CHRM3: variants seen among roughly 807,000 people sequenced by gnomAD.
The protein encoded by CHRM3 is cholinergic receptor muscarinic 3.
In CHRM3, 11 loss-of-function variants were observed where a neutral mutation model predicts 41.8. The observed-to-expected ratio is 0.26, with a 90% CI of 0.17 to 0.44. The LOEUF (loss-of-function observed/expected upper bound fraction) is 0.44. Ranked by LOEUF, CHRM3 falls within the 20% of genes least tolerant of loss-of-function variation. CHRM3 has a pLI of 1.00. For synonymous variants in CHRM3, 297 were observed against 301.4 expected (o/e 0.99, Z 0.15); for missense variants, 571 against 745.4 (o/e 0.77, Z 2.72).
intron 5 of CHRM3, among the ~76,000 whole-genome samples, chr1:239,812,197 G>A (rs544422): frequency 0.2 from 29,847 of 152,032 alleles, 3,253 homozygotes; most frequent in East Asian, 0.32. Flanking sequence ...GTGCCACCAT[G>A]CCCAGCTAAT....
At position 239,511,309 on chromosome 1, in the gene CHRM3, A is replaced by T. The variant is rs1463366774; in HGVS notation, c.-422+18502A>T. Among the ~76,000 whole-genome samples the T allele has an allele frequency of 2.0e-5, 3 of 152,288 alleles. No individual in the cohort carries two copies. In the East Asian group the frequency reaches 5.8e-4, roughly 29 times the overall value. On this transcript the variant is annotated intron_variant, in intron 2 of 6. Coordinates refer to ENST00000676153, the MANE Select transcript of CHRM3 (RefSeq NM_001375978.1). Reference sequence around the variant, plus strand: ...CATCTGTAGCTATGCAGTACTGGTTATTGTTTCCAGTTTTCTTGTAGTTGT... The same window carrying T: ...CATCTGTAGCTATGCAGTACTGGTTTTTGTTTCCAGTTTTCTTGTAGTTGT...
At chr1:239,478,326 G>T (rs1299568254) in intron 1 of CHRM3, among the ~76,000 whole-genome samples, 1 of 152,180 alleles carries the variant, frequency 6.6e-6, no homozygotes, top group African/African-American at 2.4e-5. Flanking sequence ...GTTACTTTCA[G>T]TCCCAACTCT....
chr1:239,861,664 G>A (rs539707103), intron 6 of CHRM3, among the ~76,000 whole-genome samples: 13 of 152,262 alleles, frequency 8.5e-5, no homozygotes, highest in African/African-American at 2.6e-4. Context: ...ACACAGACTC[G>A]TTCGTTATTT....
chr1:239,812,539 G>T (rs770352586), intron 5 of CHRM3, among the ~76,000 whole-genome samples: 4 of 152,148 alleles, frequency 2.6e-5, no homozygotes, highest in African/African-American at 9.7e-5. Flanking sequence ...TACAAAGTTG[G>T]ATGGTTTAAT....
At position 239,866,063 on chromosome 1, in the gene CHRM3, C is replaced by T. The variant is rs183503436; in HGVS notation, c.-20+38685C>T. ...TGTCCCTATTTTACGGATGGGAAAA[C>T]GCGAGGCTTGGAGTGATTAAAAAGC... On this transcript the variant is annotated intron_variant, in intron 6 of 6. Coordinates refer to ENST00000676153, the MANE Select transcript of CHRM3 (RefSeq NM_001375978.1). 8.5e-5 allele frequency among the ~76,000 whole-genome samples: 13 copies of T among 152,120 alleles called. No homozygotes were observed. In the East Asian group the frequency reaches 1.6e-3, roughly 18 times the overall value.
chr1:239,775,559 G>C (rs536868858), intron 5 of CHRM3, among the ~76,000 whole-genome samples: 3 of 152,342 alleles, frequency 2.0e-5, no homozygotes, highest in Admixed American at 2.0e-4. Flanking sequence ...TCAGTGCCAA[G>C]TAGCAGTTGC....
intron 5 of CHRM3, among the ~76,000 whole-genome samples, chr1:239,693,533 TG>T (rs1192068747): frequency 1.3e-5 from 2 of 152,190 alleles, no homozygotes; most frequent in African/African-American, 2.4e-5. Flanking sequence ...AGTGGCATTT[TG>T]TTATGGCAGC....
intron 5 of CHRM3, among the ~76,000 whole-genome samples, chr1:239,791,093 T>C (rs1669314964): frequency 6.6e-6 from 1 of 151,726 alleles, no homozygotes; most frequent in Admixed American, 6.6e-5. Flanking sequence ...CCCACAGCTT[T>C]TCTTTATTTT....
intron 5 of CHRM3, among the ~76,000 whole-genome samples, chr1:239,816,036 G>T (rs539941922): frequency 7.3e-4 from 110 of 151,486 alleles, no homozygotes; most frequent in Admixed American, 1.2e-3. Context: ...TTCTCATTCT[G>T]GGGGGGAAAA....
At chr1:239,837,205 T>C (rs1673398706) in intron 6 of CHRM3, among the ~76,000 whole-genome samples, 1 of 152,106 alleles carries the variant, frequency 6.6e-6, no homozygotes, top group African/African-American at 2.4e-5. Context: ...CACGTCTTAC[T>C]TTTCTTTCAT....
intron 6 of CHRM3, among the ~76,000 whole-genome samples, chr1:239,871,088 G>T (rs192119791): frequency 6.6e-5 from 10 of 152,194 alleles, no homozygotes; most frequent in Non-Finnish European, 1.2e-4. Context: ...CTCCAAACTA[G>T]CGACAGAAGA....
chr1:239,506,807 C>G (rs1668602571), intron 2 of CHRM3, among the ~76,000 whole-genome samples: 1 of 152,200 alleles, frequency 6.6e-6, no homozygotes, highest in Non-Finnish European at 1.5e-5. Context: ...TGCAAAGCCA[C>G]AGGGACAGAG....
chr1:239,656,172 G>A (rs1285099267), intron 4 of CHRM3, among the ~76,000 whole-genome samples: 1 of 151,942 alleles, frequency 6.6e-6, no homozygotes, highest in Non-Finnish European at 1.5e-5. Context: ...AGGAAGGGGG[G>A]GAAAGGGTTG....
At chr1:239,609,467 T>C (rs986218966) in intron 3 of CHRM3, among the ~76,000 whole-genome samples, 1 of 152,244 alleles carries the variant, frequency 6.6e-6, no homozygotes, top group Non-Finnish European at 1.5e-5. Flanking sequence ...TCTGCATACA[T>C]GTCTATGTGT....
At chr1:239,737,247 A>G (rs1424625741) in intron 5 of CHRM3, among the ~76,000 whole-genome samples, 1 of 152,168 alleles carries the variant, frequency 6.6e-6, no homozygotes, top group Non-Finnish European at 1.5e-5. Flanking sequence ...AACTTTTACA[A>G]TGCAATTATT....
At chr1:239,725,025 G>A (rs1338060488) in intron 5 of CHRM3, among the ~76,000 whole-genome samples, 1 of 151,830 alleles carries the variant, frequency 6.6e-6, no homozygotes, top group Non-Finnish European at 1.5e-5. Flanking sequence ...ACTCTCAGCT[G>A]TGTTGCTCTT....
At chr1:239,396,927 C>T (rs1044463408) in intron 1 of CHRM3, among the ~76,000 whole-genome samples, 2 of 152,206 alleles carry the variant, frequency 1.3e-5, no homozygotes, top group African/African-American at 4.8e-5. Context: ...GATTTAACTG[C>T]ATAAAAACCA....
At chr1:239,404,410 A>AAGAAAGAAAAAG (rs1210507333) in intron 1 of CHRM3, among the ~76,000 whole-genome samples, 9 of 51,752 alleles carry the variant, frequency 1.7e-4, no homozygotes, top group African/African-American at 5.1e-4. Flanking sequence ...GAAAGAAAGA[A>AAGAAAGAAAAAG]AAAGAAAGAA....
At chr1:239,892,864 T>G (rs2102954207) in intron 6 of CHRM3, among the ~76,000 whole-genome samples, 1 of 152,360 alleles carries the variant, frequency 6.6e-6, no homozygotes, top group Non-Finnish European at 1.5e-5. Flanking sequence ...GTTTTGGGGT[T>G]ATTTTTAAAG....
Sources: gnomAD v4.1 joint callset for allele counts (sites outside exome capture counted in the v4.1 genomes callset) on GRCh38, gnomAD v4.1.1 for gene constraint, MANE v1.5 for transcripts, NCBI Gene and HGNC (gene_info 2026-07-23, HGNC 2026-07-21) for gene names.